The following KIF21A variants were observed in gnomAD, a reference collection of about 807,000 sequenced individuals.
KIF21A encodes the protein kinesin family member 21A.
Under a neutral mutation model 202.9 loss-of-function variants are expected in KIF21A, and 114 were observed. The observed-to-expected ratio is 0.56, with a 90% CI of 0.48 to 0.66. The LOEUF (loss-of-function observed/expected upper bound fraction) is 0.66, where lower values mean the gene tolerates loss of function less well. Among genes scored for constraint, KIF21A ranks in the 30% least tolerant of loss-of-function variants. The probability of loss-of-function intolerance (pLI) is 0.00; values close to 1 mark genes in which losing one functional copy is unlikely to be tolerated. For missense variants in KIF21A, 1,677 were observed against 1,994.9 expected, an observed-to-expected ratio of 0.84 and a Z score of 3.04; for synonymous variants, 667 against 670.8, an observed-to-expected ratio of 0.99 and a Z score of 0.09.
rs1041857523 is a variant in KIF21A, at chr12:39,441,676, A to AAAAAAAAAAAAAAAAAAAAAAC, written c.44+1250_44+1251insGTTTTTTTTTTTTTTTTTTTTT. 2.7e-4 allele frequency among the ~76,000 whole-genome samples: 37 copies of AAAAAAAAAAAAAAAAAAAAAAC among 137,364 alleles called. 1 individual carries two copies. Among genetic ancestry groups the AAAAAAAAAAAAAAAAAAAAAAC allele is most frequent in the African/African-American group, 1.0e-3 (36 of 35,788 alleles). The allele number at this position is 137,364 out of a possible 152,430, so 90.1% of individuals were successfully genotyped here. ...CCTGGGTGGTAAAAAAAAAAAAAAA[A>AAAAAAAAAAAAAAAAAAAAAAC]AAAACACTTAAAAACTCATTTTATT... is the stretch of plus-strand genomic sequence containing the variant. On this transcript the variant is annotated intron_variant, in intron 1 of 37. Coordinates refer to ENST00000361418, the MANE Select transcript of KIF21A (RefSeq NM_001173464.2).
chr12:39,346,086 C>T (rs1947866635), intron 12 of KIF21A, among the ~76,000 whole-genome samples: 1 of 151,914 alleles, frequency 6.6e-6, no homozygotes. Flanking sequence ...TGTCAATTTC[C>T]ACTCTGCTCA....
chr12:39,378,042 C>T (rs1592425827), intron 1 of KIF21A, among the ~76,000 whole-genome samples: 1 of 152,256 alleles, frequency 6.6e-6, no homozygotes, highest in African/African-American at 2.4e-5. Flanking sequence ...GCATACATAG[C>T]TAATGCTTCT....
At chr12:39,311,850 T>A (rs1486148147) in intron 31 of KIF21A, 1 of 334,710 alleles carries the variant, frequency 3.0e-6, no homozygotes, top group Non-Finnish European at 5.7e-6. Context: ...GAAGCCACAA[T>A]GGGAATTATT....
chr12:39,357,537 G>A (rs1948869448), intron 8 of KIF21A, 100 bp from the exon 9 acceptor site: 1 of 1,046,026 alleles, frequency 9.6e-7, no homozygotes, highest in Non-Finnish European at 1.5e-6. Context: ...CTAACCAAGA[G>A]CGTTTTCATC....
intron 1 of KIF21A, among the ~76,000 whole-genome samples, chr12:39,430,665 G>A (rs1270813887): frequency 6.6e-6 from 1 of 152,058 alleles, no homozygotes; most frequent in East Asian, 1.9e-4. Flanking sequence ...ACTCCTTAGT[G>A]GATTTTATGT....
intron 6 of KIF21A, 44 bp downstream of exon 6, chr12:39,366,306 T>G (rs142849399): frequency 6.5e-7 from 1 of 1,538,580 alleles, no homozygotes; most frequent in Non-Finnish European, 9.0e-7. Flanking sequence ...AAAAGGACAA[T>G]AGAAAAGCTC....
intron 3 of KIF21A, among the ~76,000 whole-genome samples, 174 bp downstream of exon 3, chr12:39,369,555 C>T (rs1949818991): frequency 6.6e-6 from 1 of 152,140 alleles, no homozygotes; most frequent in African/African-American, 2.4e-5. Flanking sequence ...ACTCAAACAT[C>T]ACTTCCTACA....
chr12:39,309,208 G>A (rs1592060531), intron 33 of KIF21A, among the ~76,000 whole-genome samples: 1 of 152,200 alleles, frequency 6.6e-6, no homozygotes, highest in South Asian at 2.1e-4. Context: ...GCCTACCATG[G>A]TGATTTCAGC....
chr12:39,392,293 G>A (rs1314080822), intron 1 of KIF21A, among the ~76,000 whole-genome samples: 2 of 152,128 alleles, frequency 1.3e-5, no homozygotes, highest in Non-Finnish European at 2.9e-5. Flanking sequence ...GTGACAAGAA[G>A]ATTGTGACAT....
intron 1 of KIF21A, among the ~76,000 whole-genome samples, chr12:39,421,447 C>T (rs1019784280): frequency 6.6e-6 from 1 of 152,078 alleles, no homozygotes; most frequent in Non-Finnish European, 1.5e-5. Flanking sequence ...AATCCCAGCA[C>T]TTTGGTTGGC....
chr12:39,341,963 G>GT, intron 13 of KIF21A, 71 bp downstream of exon 13: 1 of 1,009,656 alleles, frequency 9.9e-7, no homozygotes, highest in South Asian at 1.3e-5. Flanking sequence ...AAGTAAGTTA[G>GT]TAAGTTATCA....
chr12:39,429,237 C>T (rs1035996862), intron 1 of KIF21A, among the ~76,000 whole-genome samples: 1 of 152,104 alleles, frequency 6.6e-6, no homozygotes, highest in African/African-American at 2.4e-5. Flanking sequence ...AATGAATTTC[C>T]ATTAACACAC....
At chr12:39,294,594 C>T in intron 37 of KIF21A, 77 bp from the exon 38 acceptor site, 2 of 1,114,118 alleles carry the variant, frequency 1.8e-6, no homozygotes, top group Non-Finnish European at 2.7e-6. Flanking sequence ...AATTACTTAT[C>T]ATGGAAATAT....
chr12:39,297,932 AAAAAG>A (rs1348339574), intron 37 of KIF21A, among the ~76,000 whole-genome samples: 5 of 150,368 alleles, frequency 3.3e-5, no homozygotes, highest in Middle Eastern at 3.2e-3. Flanking sequence ...ATCAAAAAAA[AAAAAG>A]AAAAGAAAAG....
intron 16 of KIF21A, 120 bp downstream of exon 16, chr12:39,340,045 T>G: frequency 1.3e-6 from 1 of 757,736 alleles, no homozygotes; most frequent in Non-Finnish European, 2.1e-6. Context: ...AATTACATCA[T>G]TTGTAAGATT....
At chr12:39,372,848 G>C (rs1401204504) in intron 1 of KIF21A, among the ~76,000 whole-genome samples, 2 of 152,046 alleles carry the variant, frequency 1.3e-5, no homozygotes, top group Middle Eastern at 3.2e-3. Flanking sequence ...CCACCATCTT[G>C]ATTGTTGCCA....
chr12:39,427,628 A>C (rs1337143925), intron 1 of KIF21A, among the ~76,000 whole-genome samples: 1 of 152,212 alleles, frequency 6.6e-6, no homozygotes, highest in African/African-American at 2.4e-5. Context: ...AGAAAAGAAA[A>C]CCACAAACCA....
At chr12:39,369,169 A>G (rs1949790657) in intron 3 of KIF21A, among the ~76,000 whole-genome samples, 1 of 152,156 alleles carries the variant, frequency 6.6e-6, no homozygotes, top group Non-Finnish European at 1.5e-5. Flanking sequence ...TTATCTATTG[A>G]TAAAAATAAG....
intron 17 of KIF21A, 146 bp downstream of exon 17, chr12:39,336,950 A>C: frequency 1.6e-6 from 1 of 645,062 alleles, no homozygotes; most frequent in East Asian, 2.8e-5. Context: ...TACTGTAATA[A>C]ATGACATTTT....
Sources: allele counts gnomAD v4.1 joint callset (sites outside exome capture counted in the v4.1 genomes callset), GRCh38; gene constraint gnomAD v4.1.1; transcripts MANE v1.5; gene names NCBI Gene and HGNC (gene_info 2026-07-23, HGNC 2026-07-21).